ASTN2: variants seen among roughly 807,000 people sequenced by gnomAD.
ASTN2 encodes the protein astrotactin-2.
A neutral mutation model predicts 139.8 loss-of-function variants in ASTN2; 54 were observed. The ratio of observed to expected loss-of-function variants is 0.39; its 90% CI spans 0.31 to 0.48. ASTN2 has a LOEUF of 0.48. ASTN2 is among the 20% of genes least tolerant of loss of function. The pLI is 0.95. For synonymous variants in ASTN2, 756 were observed against 719.5 expected (o/e 1.05, Z -0.81); for missense variants, 1,565 against 1,725.1 (o/e 0.91, Z 1.64).
rs34288493 is a variant in ASTN2, at chr9:116,941,989, T to TAA, written c.1889+33217_1889+33218dup. ...GAAAGGCCCTGAGTCCTAGATAAGCTAAAAAAAAAAAAAAAAGTCCCTTCA... is the reference window on the plus strand; with the variant it reads ...GAAAGGCCCTGAGTCCTAGATAAGCTAAAAAAAAAAAAAAAAAAGTCCCTTCA... On this transcript the variant is annotated intron_variant, in intron 10 of 22. Coordinates refer to ENST00000313400, the MANE Select transcript of ASTN2 (RefSeq NM_001365068.1). Among the ~76,000 whole-genome samples the TAA allele has an allele frequency of 2.9e-3, 397 of 136,122 alleles. 2 individuals carry two copies. The highest frequency in any genetic ancestry group is 5.2e-3 in the Admixed American group (71 of 13,580). The allele number at this position is 136,122 out of a possible 152,430, so 89.3% of individuals were successfully genotyped here.
chr9:116,990,746 A>G (rs1319955289), intron 7 of ASTN2, among the ~76,000 whole-genome samples: 1 of 152,198 alleles, frequency 6.6e-6, no homozygotes, highest in African/African-American at 2.4e-5. Flanking sequence ...TTCTTTTACA[A>G]AACATTTTTA....
intron 12 of ASTN2, among the ~76,000 whole-genome samples, chr9:116,812,447 T>C (rs1831191301): frequency 6.6e-6 from 1 of 152,028 alleles, no homozygotes. Context: ...GGACCATGAG[T>C]CAATGAATGC....
intron 19 of ASTN2, among the ~76,000 whole-genome samples, chr9:116,538,254 AAGAC>A (rs1461816617): frequency 2.6e-5 from 4 of 151,654 alleles, no homozygotes; most frequent in African/African-American, 9.7e-5. Flanking sequence ...AAGAATGAAA[AAGAC>A]AGAAAGAAAG....
chr9:117,223,244 C>T (rs998490063), intron 2 of ASTN2, among the ~76,000 whole-genome samples: 2 of 151,756 alleles, frequency 1.3e-5, no homozygotes, highest in African/African-American at 2.4e-5. Flanking sequence ...GCAATTTTGC[C>T]CCCCAAGAGG....
chr9:116,490,272 T>TAAAAAAAAAAAAAAAAAAAAAAAAAAAAA lies in ASTN2; in HGVS notation c.3356-2801_3356-2773dup. Among the ~76,000 whole-genome samples the TAAAAAAAAAAAAAAAAAAAAAAAAAAAAA allele has an allele frequency of 9.8e-4, 37 of 37,908 alleles. 3 individuals are homozygous for TAAAAAAAAAAAAAAAAAAAAAAAAAAAAA. The highest frequency in any genetic ancestry group is 2.7e-3 in the East Asian group (2 of 738). 24.9% of individuals were successfully genotyped at this position (37,908 alleles called of 152,430 possible). ...CCAGAGCAATGTATGTGATAAAAAG[T>TAAAAAAAAAAAAAAAAAAAAAAAAAAAAA]AAAAAAAAAAAAAAAAAAAAAAAAA... On this transcript the variant is annotated intron_variant, in intron 19 of 22. Transcript: ENST00000313400.
intron 2 of ASTN2, among the ~76,000 whole-genome samples, chr9:117,283,898 T>C (rs894133706): frequency 6.6e-6 from 1 of 152,134 alleles, no homozygotes; most frequent in Non-Finnish European, 1.5e-5. Context: ...AGTAATGGTA[T>C]TTCTCAAAGT....
intron 2 of ASTN2, among the ~76,000 whole-genome samples, chr9:117,289,722 T>C (rs1418762485): frequency 2.0e-5 from 3 of 152,224 alleles, no homozygotes; most frequent in Non-Finnish European, 4.4e-5. Context: ...GAGATGGTGC[T>C]TATAAATTTG....
At chr9:116,971,625 T>G (rs1417904230) in intron 10 of ASTN2, among the ~76,000 whole-genome samples, 1 of 152,180 alleles carries the variant, frequency 6.6e-6, no homozygotes. Flanking sequence ...TTAATATGAA[T>G]CCTCAACACT....
chr9:116,481,774 T>A (rs1350040867), intron 20 of ASTN2, among the ~76,000 whole-genome samples: 1 of 152,216 alleles, frequency 6.6e-6, no homozygotes, highest in African/African-American at 2.4e-5. Flanking sequence ...TAGGCTGTGA[T>A]CTGAGTCTTC....
rs757291926 is a variant in ASTN2, at chr9:117,300,089, A to C, written c.443-8576T>G. On this transcript the variant is annotated intron_variant, in intron 1 of 22. Coordinates refer to ENST00000313400, the MANE Select transcript of ASTN2 (RefSeq NM_001365068.1). ...GTTTTACAGTTAGTACTGAAAGCAA[A>C]TGCAATCATCCAACGACATACTTCA... Among the ~76,000 whole-genome samples, 14 of 152,350 alleles carry C rather than the reference A, an allele frequency of 9.2e-5. 1 individual carries two copies. Among genetic ancestry groups the C allele is most frequent in the Admixed American group, 5.9e-4 (9 of 15,298 alleles).
At chr9:117,014,038 C>G (rs1309932726) in intron 6 of ASTN2, among the ~76,000 whole-genome samples, 2 of 152,118 alleles carry the variant, frequency 1.3e-5, no homozygotes, top group African/African-American at 4.8e-5. Flanking sequence ...TATTTTCCCT[C>G]TTTCTTTGGG....
chr9:117,183,472 A>C (rs193228915), intron 3 of ASTN2, among the ~76,000 whole-genome samples: 2 of 152,348 alleles, frequency 1.3e-5, no homozygotes, highest in East Asian at 3.9e-4. Context: ...TACATAAATT[A>C]CATCATTTGT....
chr9:117,080,781 C>T (rs1234485103), intron 5 of ASTN2, among the ~76,000 whole-genome samples: 1 of 152,110 alleles, frequency 6.6e-6, no homozygotes, highest in Non-Finnish European at 1.5e-5. Flanking sequence ...CTTCCACAGA[C>T]AGAAGCCTAG....
At chr9:117,065,495 CT>C (rs1261268642) in intron 5 of ASTN2, among the ~76,000 whole-genome samples, 2 of 152,154 alleles carry the variant, frequency 1.3e-5, no homozygotes, top group African/African-American at 4.8e-5. Context: ...GTGTGTATAT[CT>C]CCATCAAGTT....
Position 116,946,936 on chromosome 9 carries a change from C to CAAAAAAAAAAAAAAAAAAAAAAA in ASTN2, c.1889+28271_1889+28272insTTTTTTTTTTTTTTTTTTTTTTT, listed in dbSNP as rs3983292. Among the ~76,000 whole-genome samples, 177 of 127,832 alleles carry CAAAAAAAAAAAAAAAAAAAAAAA rather than the reference C, an allele frequency of 1.4e-3. 2 individuals are homozygous for CAAAAAAAAAAAAAAAAAAAAAAA. The highest frequency in any genetic ancestry group is 5.2e-3 in the African/African-American group (171 of 32,594). 83.9% of individuals were successfully genotyped at this position (127,832 alleles called of 152,430 possible). On this transcript the variant is annotated intron_variant, in intron 10 of 22. Transcript: ENST00000313400. ...AGTGGCCACAAGTACACATTTTTGT[C>CAAAAAAAAAAAAAAAAAAAAAAA]AAAAAAAAAAAAAAACAACCCAGAT...
intron 4 of ASTN2, among the ~76,000 whole-genome samples, chr9:117,131,696 A>C (rs374251190): frequency 3.2e-4 from 48 of 152,312 alleles, no homozygotes; most frequent in African/African-American, 1.1e-3. Flanking sequence ...CATTTACTTC[A>C]AGTCTTTAGA....
In ASTN2 at chr9:116,805,632, C is replaced by G; in HGVS notation, c.2396G>C (p.Arg799Thr). 1 of 1,613,518 alleles carries G rather than the reference C, an allele frequency of 6.2e-7. No homozygotes were observed. Among genetic ancestry groups the G allele is most frequent in the Non-Finnish European group, 8.5e-7 (1 of 1,179,628 alleles). The change falls in exon 13 of 23, where the codon AGG becomes ACG. Residue 799 changes from arginine (R) to threonine (T), a missense_variant and splice_region_variant. Around this residue, in one of 4 missense-constraint regions of ASTN2, gnomAD observed 503 missense variants for 591.7 expected, o/e 0.85. Coordinates refer to ENST00000313400, the MANE Select transcript of ASTN2 (RefSeq NM_001365068.1). ...CAATGTGCAAGTATCTACAGCATAC[C>G]TAAAGGTCATCTGGAAGACTTGGCC... is the stretch of plus-strand genomic sequence containing the variant. Reference protein sequence around the residue: ...NQGQVFQMTFRENNFIKDFPQ... With the variant: ...NQGQVFQMTFTENNFIKDFPQ...
chr9:116,831,395 A>AT (rs140308504), intron 11 of ASTN2, among the ~76,000 whole-genome samples: 8,757 of 152,192 alleles, frequency 0.058, 482 homozygotes, highest in African/African-American at 0.14. Context: ...CTATTAGCTG[A>AT]TTTTTTCTTT....
At chr9:116,807,185 T>C (rs1831050575) in intron 12 of ASTN2, among the ~76,000 whole-genome samples, 2 of 152,156 alleles carry the variant, frequency 1.3e-5, no homozygotes, top group African/African-American at 4.8e-5. Context: ...CAAAGATTCA[T>C]TGAAGCTAAC....
Sources: gnomAD v4.1 joint callset for allele counts (sites outside exome capture counted in the v4.1 genomes callset) on GRCh38, gnomAD v4.1.1 for gene constraint, gnomAD v4.1.1 regional missense constraint, MANE v1.5 for transcripts, NCBI Gene and HGNC (gene_info 2026-07-23, HGNC 2026-07-21) for gene names.